ZDHHC14: variants seen among roughly 807,000 people sequenced by gnomAD.
ZDHHC14 encodes zDHHC palmitoyltransferase 14, also known as palmitoyltransferase ZDHHC14.
Under a neutral mutation model 47.7 loss-of-function variants are expected in ZDHHC14, and 16 were observed. That is an observed-to-expected ratio of 0.34 (90% CI 0.23 to 0.51). The LOEUF is 0.51. Among genes scored for constraint, ZDHHC14 ranks in the 20% least tolerant of loss-of-function variants. The probability of loss-of-function intolerance (pLI) is 0.97; values close to 1 mark genes in which losing one functional copy is unlikely to be tolerated. For synonymous variants in ZDHHC14, 293 were observed against 278.9 expected (o/e 1.05, Z -0.50); for missense variants, 515 against 662.5 (o/e 0.78, Z 2.44).
chr6:157,516,426 TC>T (rs1238960188), intron 1 of ZDHHC14, among the ~76,000 whole-genome samples: 2 of 152,168 alleles, frequency 1.3e-5, no homozygotes, highest in Non-Finnish European at 2.9e-5. Flanking sequence ...AGGTTGCGGG[TC>T]CCTGAGTGCC....
intron 1 of ZDHHC14, among the ~76,000 whole-genome samples, chr6:157,504,483 A>C (rs1356724032): frequency 2.5e-4 from 28 of 110,128 alleles, no homozygotes; most frequent in South Asian, 5.5e-4. Flanking sequence ...ACAGAGTCTC[A>C]CTCTTGTCAC....
chr6:157,397,915 A>T (rs1277247840), intron 1 of ZDHHC14, among the ~76,000 whole-genome samples: 4 of 152,170 alleles, frequency 2.6e-5, no homozygotes, highest in Non-Finnish European at 1.5e-5. Context: ...GCCACCCAGC[A>T]CAAAGACAGA....
intron 1 of ZDHHC14, among the ~76,000 whole-genome samples, chr6:157,507,718 C>T (rs1459436445): frequency 6.6e-6 from 1 of 152,128 alleles, no homozygotes; most frequent in African/African-American, 2.4e-5. Context: ...TGGCCTGGGG[C>T]ACTGCTGTCG....
At chr6:157,671,704 G>A (rs892399070) in intron 8 of ZDHHC14, among the ~76,000 whole-genome samples, 1 of 152,190 alleles carries the variant, frequency 6.6e-6, no homozygotes, top group Non-Finnish European at 1.5e-5. Context: ...TTAAGAACGC[G>A]TGGAAGAATA....
At chr6:157,671,110 G>T (rs1046685423) in intron 8 of ZDHHC14, among the ~76,000 whole-genome samples, 3 of 152,180 alleles carry the variant, frequency 2.0e-5, no homozygotes, top group Non-Finnish European at 4.4e-5. Context: ...GAAGAGGTCG[G>T]AGCACCTAAA....
At chr6:157,476,665 TA>T (rs749754421) in intron 1 of ZDHHC14, among the ~76,000 whole-genome samples, 1 of 152,188 alleles carries the variant, frequency 6.6e-6, no homozygotes, top group Non-Finnish European at 1.5e-5. Flanking sequence ...AACAAAATAT[TA>T]GCAAACTGAA....
At chr6:157,565,304 G>A (rs41537747) in intron 2 of ZDHHC14, among the ~76,000 whole-genome samples, 3,852 of 152,288 alleles carry the variant, frequency 0.025, 177 homozygotes, top group African/African-American at 0.089. Flanking sequence ...GAGGTGTTGA[G>A]ATTTTTCGTG....
At chr6:157,627,348 C>A (rs1373038362) in intron 3 of ZDHHC14, among the ~76,000 whole-genome samples, 1 of 152,140 alleles carries the variant, frequency 6.6e-6, no homozygotes, top group East Asian at 1.9e-4. Context: ...TAGAAAACAG[C>A]CGGAGGAGAA....
intron 8 of ZDHHC14, among the ~76,000 whole-genome samples, chr6:157,660,736 G>A (rs1051052147): frequency 3.9e-5 from 6 of 152,202 alleles, no homozygotes; most frequent in African/African-American, 1.4e-4. Flanking sequence ...ACTTTAATTG[G>A]CAGCCACTAT....
intron 4 of ZDHHC14, chr6:157,631,356 G>C (rs1785730425): frequency 6.6e-6 from 1 of 152,204 alleles, no homozygotes; most frequent in Admixed American, 6.5e-5. Context: ...GAATTTACCT[G>C]CCTGCAAGTT....
chr6:157,545,309 A>G (rs1781927250), intron 2 of ZDHHC14, among the ~76,000 whole-genome samples: 1 of 152,194 alleles, frequency 6.6e-6, no homozygotes, highest in Non-Finnish European at 1.5e-5. Flanking sequence ...ATTCACTACA[A>G]GTCACTGAAT....
intron 1 of ZDHHC14, among the ~76,000 whole-genome samples, chr6:157,504,528 CTG>C (rs1780273350): frequency 2.2e-5 from 3 of 134,868 alleles, no homozygotes; most frequent in Admixed American, 1.7e-4. Flanking sequence ...TCTCAGCTCA[CTG>C]CAGCCTCCGG....
intron 1 of ZDHHC14, among the ~76,000 whole-genome samples, chr6:157,438,872 G>C (rs1778500113): frequency 6.6e-6 from 1 of 152,228 alleles, no homozygotes; most frequent in South Asian, 2.1e-4. Context: ...TGCAGAGAAA[G>C]CTGTGGACAA....
At chr6:157,544,423 G>A (rs1781887083) in intron 2 of ZDHHC14, among the ~76,000 whole-genome samples, 1 of 152,126 alleles carries the variant, frequency 6.6e-6, no homozygotes, top group Non-Finnish European at 1.5e-5. Flanking sequence ...CAAGGTGGGA[G>A]GATCACCTGA....
intron 1 of ZDHHC14, among the ~76,000 whole-genome samples, chr6:157,407,424 C>A (rs1679067586): frequency 6.6e-6 from 1 of 152,162 alleles, no homozygotes; most frequent in Admixed American, 6.5e-5. Context: ...TTATACTCTT[C>A]TTAAATTTTG....
At chr6:157,403,377 T>C (rs1777682720) in intron 1 of ZDHHC14, among the ~76,000 whole-genome samples, 1 of 152,192 alleles carries the variant, frequency 6.6e-6, no homozygotes, top group African/African-American at 2.4e-5. Flanking sequence ...TGAAATGAAA[T>C]AGTCACTGAT....
intron 8 of ZDHHC14, among the ~76,000 whole-genome samples, chr6:157,663,752 A>G (rs1246161356): frequency 1.3e-5 from 2 of 152,154 alleles, no homozygotes; most frequent in East Asian, 1.9e-4. Flanking sequence ...TCCTCTTTGC[A>G]GTTCATCCAC....
chr6:157,594,954 A>G (rs1784062686), intron 3 of ZDHHC14, among the ~76,000 whole-genome samples: 1 of 145,944 alleles, frequency 6.9e-6, no homozygotes, highest in Non-Finnish European at 1.5e-5. Context: ...TGTGTCTTAC[A>G]CTTGTGCACA....
At chr6:157,554,657 A>G (rs149929339) in intron 2 of ZDHHC14, among the ~76,000 whole-genome samples, 1 of 152,176 alleles carries the variant, frequency 6.6e-6, no homozygotes, top group African/African-American at 2.4e-5. Context: ...CTTAACTGAA[A>G]TCTCTCGGAT....
Sources: allele counts gnomAD v4.1 joint callset (sites outside exome capture counted in the v4.1 genomes callset), GRCh38; gene constraint gnomAD v4.1.1; transcripts MANE v1.5; gene names NCBI Gene and HGNC (gene_info 2026-07-23, HGNC 2026-07-21).